SLMAP: variants seen among roughly 807,000 people sequenced by gnomAD.
SLMAP encodes sarcolemma associated protein.
SLMAP carries 44 observed loss-of-function variants against 128.8 expected under a neutral mutation model. The ratio of observed to expected loss-of-function variants is 0.34; its 90% confidence interval spans 0.27 to 0.44. SLMAP has a LOEUF of 0.44. SLMAP is among the 20% of genes least tolerant of loss of function. The pLI, the probability that SLMAP is intolerant of heterozygous loss-of-function variation, is 1.00. For synonymous variants in SLMAP, 327 were observed against 348.8 expected (o/e 0.94, Z 0.70); for missense variants, 787 against 985.3 (o/e 0.80, Z 2.69).
chr3:57,822,762 A>G (rs1046759328), intron 2 of SLMAP, among the ~76,000 whole-genome samples: 1 of 152,210 alleles, frequency 6.6e-6, no homozygotes, highest in African/African-American at 2.4e-5. Flanking sequence ...CAACCCCCAC[A>G]AGCTGAAATG....
At chr3:57,844,877 G>A (rs967913887) in intron 4 of SLMAP, among the ~76,000 whole-genome samples, 27 of 151,944 alleles carry the variant, frequency 1.8e-4, no homozygotes, top group African/African-American at 6.0e-4. Flanking sequence ...ACTACACCCG[G>A]CTGGTTTTTG....
chr3:57,915,771 GGAA>G (rs1285345354), intron 21 of SLMAP, among the ~76,000 whole-genome samples: 1 of 152,116 alleles, frequency 6.6e-6, no homozygotes, highest in African/African-American at 2.4e-5. Context: ...TCTGGGCTAC[GGAA>G]GAAGGAATTG....
chr3:57,758,967 T>C (rs1246965388), intron 2 of SLMAP, among the ~76,000 whole-genome samples: 1 of 152,194 alleles, frequency 6.6e-6, no homozygotes, highest in Non-Finnish European at 1.5e-5. Flanking sequence ...AAGGAAGAAC[T>C]TAAGTCTTCA....
chr3:57,875,314 G>T (rs1348592968), intron 14 of SLMAP, among the ~76,000 whole-genome samples: 2 of 152,072 alleles, frequency 1.3e-5, no homozygotes, highest in African/African-American at 4.8e-5. Context: ...GCTTGAGCCA[G>T]GAATTTACAG....
intron 2 of SLMAP, among the ~76,000 whole-genome samples, chr3:57,803,124 A>G (rs1158362590): frequency 6.6e-6 from 1 of 152,204 alleles, no homozygotes; most frequent in Non-Finnish European, 1.5e-5. Context: ...GAAGGCAAAT[A>G]AAAACAGTGA....
intron 15 of SLMAP, among the ~76,000 whole-genome samples, chr3:57,895,329 T>TTTTTC (rs1553627437): frequency 1.2e-4 from 18 of 151,948 alleles, no homozygotes; most frequent in African/African-American, 4.1e-4. Context: ...AAAACTTTTT[T>TTTTTC]TTTCTTTCTT....
At chr3:57,849,939 C>G (rs190606471) in intron 6 of SLMAP, 123 bp downstream of exon 6, 2 of 647,720 alleles carry the variant, frequency 3.1e-6, no homozygotes, top group Admixed American at 5.0e-5. Flanking sequence ...TTTGGGAGGC[C>G]TAGGCAGAAG....
At chr3:57,760,676 G>A (rs1264506904) in intron 2 of SLMAP, among the ~76,000 whole-genome samples, 2 of 151,564 alleles carry the variant, frequency 1.3e-5, no homozygotes, top group Non-Finnish European at 2.9e-5. Flanking sequence ...CTGTGATTAT[G>A]CCACTGCACT....
intron 5 of SLMAP, among the ~76,000 whole-genome samples, chr3:57,848,176 G>GCTCCTCCTC (rs58849244): frequency 6.7e-6 from 1 of 149,944 alleles, no homozygotes; most frequent in African/African-American, 2.5e-5. Context: ...TCCTGCTCCT[G>GCTCCTCCTC]CTCCTCCTCC....
chr3:57,900,959 A>G (rs2096365379), intron 17 of SLMAP: 1 of 152,218 alleles, frequency 6.6e-6, no homozygotes. Flanking sequence ...ATGCACCAGT[A>G]TGATAAGGCT....
chr3:57,836,461 A>C (rs981854087), intron 3 of SLMAP, among the ~76,000 whole-genome samples: 3 of 152,194 alleles, frequency 2.0e-5, no homozygotes, highest in African/African-American at 7.2e-5. Context: ...GGTTCATATT[A>C]GTGTCATTTC....
chr3:57,855,856 C>T (rs2094758293), intron 6 of SLMAP, among the ~76,000 whole-genome samples: 1 of 151,850 alleles, frequency 6.6e-6, no homozygotes, highest in Admixed American at 6.6e-5. Context: ...CCAGCCTGTC[C>T]AACATGGTAA....
At chr3:57,814,541 C>G (rs2091571749) in intron 2 of SLMAP, among the ~76,000 whole-genome samples, 1 of 152,128 alleles carries the variant, frequency 6.6e-6, no homozygotes, top group South Asian at 2.1e-4. Context: ...ATGACATCTG[C>G]TAAATACTAT....
At chr3:57,795,340 CCAGCCTGG>C (rs2086477311) in intron 2 of SLMAP, among the ~76,000 whole-genome samples, 3 of 152,058 alleles carry the variant, frequency 2.0e-5, no homozygotes, top group Non-Finnish European at 2.9e-5. Flanking sequence ...GAGTTTGAGA[CCAGCCTGG>C]CCAGCGTCGT....
chr3:57,795,199 A>G (rs1221504077), intron 2 of SLMAP, among the ~76,000 whole-genome samples: 7 of 152,252 alleles, frequency 4.6e-5, no homozygotes, highest in Non-Finnish European at 8.8e-5. Flanking sequence ...TGTCCTTATC[A>G]GACATTTGTA....
At chr3:57,781,581 G>A (rs888196427) in intron 2 of SLMAP, among the ~76,000 whole-genome samples, 1 of 152,130 alleles carries the variant, frequency 6.6e-6, no homozygotes, top group African/African-American at 2.4e-5. Flanking sequence ...GAAATTAGTA[G>A]CTGCGGTTAC....
At chr3:57,908,318 C>T (rs1168721888) in intron 18 of SLMAP, among the ~76,000 whole-genome samples, 1 of 152,166 alleles carries the variant, frequency 6.6e-6, no homozygotes, top group Non-Finnish European at 1.5e-5. Context: ...TTTTATTATG[C>T]CTAATGTTAG....
At chr3:57,915,195 G>T (rs2096785847) in intron 21 of SLMAP, among the ~76,000 whole-genome samples, 1 of 152,132 alleles carries the variant, frequency 6.6e-6, no homozygotes, top group Non-Finnish European at 1.5e-5. Context: ...AATGATTCAG[G>T]CTAGATCCCT....
chr3:57,828,962 T>C (rs1283003984), intron 2 of SLMAP, among the ~76,000 whole-genome samples: 1 of 152,074 alleles, frequency 6.6e-6, no homozygotes, highest in Non-Finnish European at 1.5e-5. Flanking sequence ...TTGTATTTTT[T>C]TGTAGGGATG....
Sources: allele counts gnomAD v4.1 joint callset (sites outside exome capture counted in the v4.1 genomes callset), GRCh38; gene constraint gnomAD v4.1.1; transcripts MANE v1.5; gene names NCBI Gene and HGNC (gene_info 2026-07-23, HGNC 2026-07-21).